Variants in MFF observed in about 807,000 individuals in gnomAD.
MFF encodes the protein mitochondrial fission factor.
MFF carries 12 observed loss-of-function variants against 36.9 expected under a neutral mutation model. That is an observed-to-expected ratio of 0.33 (90% CI 0.21 to 0.53). MFF has a LOEUF of 0.53. Ranked by LOEUF, MFF falls within the 20% of genes least tolerant of loss-of-function variation. The pLI is 0.95. For missense variants in MFF, 348 were observed against 366.6 expected, an observed-to-expected ratio of 0.95 and a Z score of 0.42; for synonymous variants, 99 against 126.2, an observed-to-expected ratio of 0.78 and a Z score of 1.44.
chr2:227,328,942 G>A (rs770240201), intron 2 of MFF, 153 bp downstream of exon 2: 10 of 152,204 alleles, frequency 6.6e-5, no homozygotes, highest in African/African-American at 2.2e-4. Context: ...GGGGCTGAGC[G>A]TCCTGAGCAA....
chr2:227,337,626 A>G (rs183858243), intron 4 of MFF, among the ~76,000 whole-genome samples: 8 of 150,086 alleles, frequency 5.3e-5, no homozygotes, highest in East Asian at 1.9e-4. Flanking sequence ...TTATATAACT[A>G]TGTAGCACTA....
chr2:227,340,464 T>G, intron 5 of MFF, 84 bp downstream of exon 5: 1 of 967,116 alleles, frequency 1.0e-6, no homozygotes, highest in Non-Finnish European at 1.5e-6. Flanking sequence ...AATAATTACT[T>G]CATGTAGTTT....
rs112522494 is a variant in MFF, at chr2:227,330,335, G to A, written c.-40-291G>A. 4,546 of 267,554 alleles carry A rather than the reference G, an allele frequency of 0.017. 213 individuals are homozygous for A. Among genetic ancestry groups the A allele is most frequent in the African/African-American group, 0.098 (4,238 of 43,264 alleles). The allele number at this position is 267,554 out of a possible 1,614,324, so 16.6% of individuals were successfully genotyped here. On this transcript the variant is annotated intron_variant, in intron 2 of 8. Transcript: ENST00000304593. ...TACAAGCAGCATGCATGTTTACGCA[G>A]AGAGTATGTGTGTATGTGTGTGTAC...
chr2:227,329,323 G>A (rs1381725430), intron 2 of MFF: 4 of 182,450 alleles, frequency 2.2e-5, no homozygotes, highest in Non-Finnish European at 4.5e-5. Context: ...TGGCAGTATT[G>A]TTTTCTTCGA....
chr2:227,353,312 A>G (rs901594392), intron 7 of MFF, among the ~76,000 whole-genome samples: 1 of 152,198 alleles, frequency 6.6e-6, no homozygotes, highest in Non-Finnish European at 1.5e-5. Context: ...CTATTACTGT[A>G]TAATTTTTTC....
At chr2:227,343,873 C>T (rs1371372522) in intron 5 of MFF, among the ~76,000 whole-genome samples, 2 of 152,106 alleles carry the variant, frequency 1.3e-5, no homozygotes, top group Non-Finnish European at 2.9e-5. Flanking sequence ...CTGCAACCTC[C>T]ACCTCCCGGG....
chr2:227,335,979 A>G (rs2074971373), intron 4 of MFF, among the ~76,000 whole-genome samples: 1 of 152,374 alleles, frequency 6.6e-6, no homozygotes, highest in Non-Finnish European at 1.5e-5. Flanking sequence ...TGCCCAAGTC[A>G]TGACAGTTTT....
Position 227,340,346 on chromosome 2 carries a change from C to G in MFF, c.406C>G (p.Arg136Gly), listed in dbSNP as rs201498602. ...GCGGTCTATGAGTGAAAATGCTGTT[C>G]GCCAAAATGGACAGCTGGTCAGAAA... is the stretch of plus-strand genomic sequence containing the variant. ...RERSMSENAV[R>G]QNGQLVRNDS... Residue 136 changes from arginine to glycine, a missense_variant, in exon 5 of 9, where the codon CGC becomes GGC. Arg to Gly is a moderately radical substitution (Grantham distance 125). Coordinates refer to ENST00000304593, the MANE Select transcript of MFF (RefSeq NM_001277062.2). 9 of 1,613,814 alleles carry G rather than the reference C, an allele frequency of 5.6e-6. No homozygotes were observed. The highest frequency in any genetic ancestry group is 1.6e-4 in the Middle Eastern group (1 of 6,082).
intron 3 of MFF, among the ~76,000 whole-genome samples, chr2:227,332,214 C>T (rs890120067): frequency 5.9e-5 from 9 of 151,584 alleles, no homozygotes; most frequent in Admixed American, 1.3e-4. Flanking sequence ...CCTCGTGATC[C>T]GCCCGCCTCG....
intron 6 of MFF, among the ~76,000 whole-genome samples, chr2:227,350,364 A>G (rs2075932320): frequency 6.6e-6 from 1 of 152,154 alleles, no homozygotes; most frequent in Non-Finnish European, 1.5e-5. Flanking sequence ...CATCTTCAAA[A>G]AGAAACTTAG....
chr2:227,330,213 G>A (rs2074471115), intron 2 of MFF: 2 of 173,826 alleles, frequency 1.2e-5, no homozygotes, highest in Admixed American at 6.0e-5. Context: ...ATGCATGACA[G>A]TAATTTTTAA....
intron 1 of MFF, 139 bp from the exon 2 acceptor site, chr2:227,328,535 TTTTC>T (rs1411944222): frequency 2.0e-5 from 3 of 152,136 alleles, no homozygotes; most frequent in African/African-American, 7.2e-5. Flanking sequence ...AGCTTAATTT[TTTTC>T]TTTCTTTATT....
intron 4 of MFF, among the ~76,000 whole-genome samples, chr2:227,338,125 T>G (rs560710410): frequency 4.7e-4 from 72 of 151,768 alleles, no homozygotes; most frequent in African/African-American, 1.7e-3. Flanking sequence ...CCCAGTACTT[T>G]GGGAGGCCAA....
intron 5 of MFF, 101 bp from the exon 6 acceptor site, chr2:227,347,125 C>G (rs991713225): frequency 1.0e-6 from 1 of 988,504 alleles, no homozygotes; most frequent in African/African-American, 1.6e-5. Flanking sequence ...GGGAAAGGGG[C>G]AAGAACACTA....
At chr2:227,356,260 G>A (rs1210537883) in intron 8 of MFF, among the ~76,000 whole-genome samples, 1 of 152,116 alleles carries the variant, frequency 6.6e-6, no homozygotes, top group African/African-American at 2.4e-5. Flanking sequence ...GGCATAGTTG[G>A]TTTTCTCATT....
intron 5 of MFF, chr2:227,342,655 A>G (rs2075461865): frequency 9.2e-7 from 1 of 1,084,692 alleles, no homozygotes; most frequent in Non-Finnish European, 1.4e-6. Flanking sequence ...TATTAGCGCA[A>G]AAGTGAATTC....
At chr2:227,337,224 G>T (rs1220832768) in intron 4 of MFF, among the ~76,000 whole-genome samples, 1 of 152,260 alleles carries the variant, frequency 6.6e-6, no homozygotes, top group Non-Finnish European at 1.5e-5. Context: ...CGTCACTCCT[G>T]ACAAATTGGG....
At chr2:227,337,620 A>G (rs1274798267) in intron 4 of MFF, among the ~76,000 whole-genome samples, 1 of 152,126 alleles carries the variant, frequency 6.6e-6, no homozygotes, top group Non-Finnish European at 1.5e-5. Context: ...TACATGTTAT[A>G]TAACTATGTA....
chr2:227,329,526 C>A, intron 2 of MFF: 1 of 464,802 alleles, frequency 2.2e-6, no homozygotes, highest in South Asian at 2.5e-5. Flanking sequence ...AGTCATTTTA[C>A]GTAGATATTT....
Sources: gnomAD v4.1 joint callset for allele counts (sites outside exome capture counted in the v4.1 genomes callset) on GRCh38, gnomAD v4.1.1 for gene constraint, MANE v1.5 for transcripts, NCBI Gene and HGNC (gene_info 2026-07-23, HGNC 2026-07-21) for gene names.